EVA1C: variants seen among roughly 807,000 people sequenced by gnomAD.
EVA1C encodes eva-1 homolog C, also known as protein eva-1 homolog C.
EVA1C carries 25 observed loss-of-function variants against 45.4 expected under a neutral mutation model. The ratio of observed to expected loss-of-function variants is 0.55; its 90% CI spans 0.40 to 0.77. EVA1C has a LOEUF of 0.77. Among genes scored for constraint, EVA1C ranks in the 30% least tolerant of loss-of-function variants. The probability of loss-of-function intolerance (pLI) is 0.00; values close to 1 mark genes in which losing one functional copy is unlikely to be tolerated. For synonymous variants in EVA1C, 190 were observed against 221.2 expected, an observed-to-expected ratio of 0.86 and a Z score of 1.25; for missense variants, 479 against 554.8, an observed-to-expected ratio of 0.86 and a Z score of 1.37.
At chr21:32,507,714 G>A (rs1406812306) in intron 7 of EVA1C, among the ~76,000 whole-genome samples, 1 of 151,784 alleles carries the variant, frequency 6.6e-6, no homozygotes, top group Middle Eastern at 3.2e-3. Context: ...GCACGTGTGT[G>A]TGCATGTGTG....
At chr21:32,505,957 G>C (rs2037709958) in intron 7 of EVA1C, among the ~76,000 whole-genome samples, 1 of 151,964 alleles carries the variant, frequency 6.6e-6, no homozygotes, top group African/African-American at 2.4e-5. Context: ...CAGAGGAGTT[G>C]AGCCATTTGC....
At chr21:32,459,178 A>G (rs1333564892) in intron 3 of EVA1C, among the ~76,000 whole-genome samples, 1 of 152,102 alleles carries the variant, frequency 6.6e-6, no homozygotes, top group Non-Finnish European at 1.5e-5. Flanking sequence ...ACCCCATTAT[A>G]CACACTCAAA....
chr21:32,419,702 G>A (rs1420879861), intron 1 of EVA1C, among the ~76,000 whole-genome samples: 1 of 151,492 alleles, frequency 6.6e-6, no homozygotes, highest in Non-Finnish European at 1.5e-5. Flanking sequence ...GTGACAGAGC[G>A]AGTTCCTGTA....
At chr21:32,507,453 T>C (rs1488788243) in intron 7 of EVA1C, among the ~76,000 whole-genome samples, 1 of 151,388 alleles carries the variant, frequency 6.6e-6, no homozygotes, top group East Asian at 1.9e-4. Flanking sequence ...TGTCTATGCG[T>C]GTGCGTGTGT....
intron 4 of EVA1C, among the ~76,000 whole-genome samples, chr21:32,472,175 T>C (rs2036399519): frequency 6.6e-6 from 1 of 152,120 alleles, no homozygotes; most frequent in Admixed American, 6.6e-5. Flanking sequence ...TTATTTATTT[T>C]TGAGACAGAC....
intron 4 of EVA1C, among the ~76,000 whole-genome samples, chr21:32,482,814 C>T (rs920398393): frequency 7.0e-6 from 1 of 142,658 alleles, no homozygotes; most frequent in Non-Finnish European, 1.5e-5. Context: ...TGTCCTGCCC[C>T]CTTCAGGGTT....
intron 4 of EVA1C, among the ~76,000 whole-genome samples, chr21:32,486,043 C>CTCA (rs1368382254): frequency 4.6e-5 from 7 of 152,228 alleles, no homozygotes; most frequent in African/African-American, 1.7e-4. Context: ...GAAGTTGGCT[C>CTCA]TGGCAGCATT....
At position 32,496,861 on chromosome 21, in the gene EVA1C, T is replaced by A; in HGVS notation, c.778+1691T>A. 3 of 974,614 alleles carry A rather than the reference T, an allele frequency of 3.1e-6. No individual in the cohort carries two copies. In the South Asian group the frequency reaches 3.8e-5, roughly 12 times the overall value. 60.4% of individuals were successfully genotyped at this position (974,614 alleles called of 1,614,324 possible). A position where few individuals can be genotyped will look rare whatever the true frequency, so the allele number is the denominator to read the frequency against. On this transcript the variant is annotated intron_variant, in intron 5 of 7. Coordinates refer to ENST00000300255, the MANE Select transcript of EVA1C (RefSeq NM_058187.5). ...GGTGACTGGCATAGTGACAGCTAAA[T>A]CTGGAGATATATTCAGAGTTGATGT...
chr21:32,478,231 T>C (rs1417811240), intron 4 of EVA1C, among the ~76,000 whole-genome samples: 5 of 151,688 alleles, frequency 3.3e-5, no homozygotes, highest in Admixed American at 2.6e-4. Context: ...TATATATATA[T>C]TTTTTGAGAC....
chr21:32,437,054 G>T (rs1333909244), intron 1 of EVA1C, among the ~76,000 whole-genome samples: 2 of 152,210 alleles, frequency 1.3e-5, no homozygotes, highest in African/African-American at 4.8e-5. Flanking sequence ...CAGCTACTTG[G>T]GAGGCTGAGG....
At chr21:32,490,904 G>T (rs1182770909) in intron 4 of EVA1C, among the ~76,000 whole-genome samples, 1 of 152,226 alleles carries the variant, frequency 6.6e-6, no homozygotes, top group Admixed American at 6.5e-5. Context: ...GCTTCAGAAG[G>T]GATGGAGGTT....
intron 4 of EVA1C, among the ~76,000 whole-genome samples, chr21:32,489,934 T>C (rs1441246699): frequency 6.6e-6 from 1 of 152,182 alleles, no homozygotes; most frequent in East Asian, 1.9e-4. Flanking sequence ...CCTGAGTAAC[T>C]GGGATTACAG....
At position 32,505,490 on chromosome 21, in the gene EVA1C, C is replaced by T. The variant is rs1162818634; in HGVS notation, c.949+1475C>T. Among the ~76,000 whole-genome samples the T allele has an allele frequency of 2.0e-5, 3 of 152,248 alleles. No individual in the cohort carries two copies. The East Asian group carries it at 5.8e-4, about 29-fold the overall frequency. ...AACGATTGAAGGGGAACGAGACCGA[C>T]ATTGCGCTCAGTGAGCTGTGGCCTT... On this transcript the variant is annotated intron_variant, in intron 7 of 7. Transcript: ENST00000300255.
At chr21:32,421,971 G>C (rs1314097072) in intron 1 of EVA1C, among the ~76,000 whole-genome samples, 3 of 151,544 alleles carry the variant, frequency 2.0e-5, no homozygotes, top group African/African-American at 7.3e-5. Context: ...CTGGAACCTG[G>C]GAGGTGGAGG....
At chr21:32,472,775 A>C (rs1437819701) in intron 4 of EVA1C, among the ~76,000 whole-genome samples, 1 of 152,206 alleles carries the variant, frequency 6.6e-6, no homozygotes. Flanking sequence ...CTGATGTAGA[A>C]AGGACTGTGA....
At chr21:32,414,802 C>G (rs139773858) in intron 1 of EVA1C, among the ~76,000 whole-genome samples, 1 of 152,144 alleles carries the variant, frequency 6.6e-6, no homozygotes, top group Non-Finnish European at 1.5e-5. Context: ...CCACCCACAA[C>G]GAGCCCCCAT....
intron 7 of EVA1C, among the ~76,000 whole-genome samples, chr21:32,509,946 C>G (rs2037891431): frequency 6.6e-6 from 1 of 150,996 alleles, no homozygotes; most frequent in South Asian, 2.1e-4. Flanking sequence ...GGGAGTTGAA[C>G]TTGGGGAGGG....
chr21:32,489,501 G>A (rs1259545882), intron 4 of EVA1C, among the ~76,000 whole-genome samples: 1 of 152,220 alleles, frequency 6.6e-6, no homozygotes, highest in South Asian at 2.1e-4. Flanking sequence ...GATTACTATA[G>A]CTTTGTAGTA....
At chr21:32,475,230 C>T (rs1362689654) in intron 4 of EVA1C, among the ~76,000 whole-genome samples, 2 of 152,160 alleles carry the variant, frequency 1.3e-5, no homozygotes, top group Non-Finnish European at 1.5e-5. Flanking sequence ...CGGTGAAACC[C>T]AGTGTCCACA....
Sources: allele counts gnomAD v4.1 joint callset (sites outside exome capture counted in the v4.1 genomes callset), GRCh38; gene constraint gnomAD v4.1.1; transcripts MANE v1.5; gene names NCBI Gene and HGNC (gene_info 2026-07-23, HGNC 2026-07-21).